Variants in POLRMT observed in about 807,000 individuals in gnomAD.
POLRMT encodes the protein DNA-directed RNA polymerase, mitochondrial.
POLRMT carries 114 observed loss-of-function variants against 132.2 expected under a neutral mutation model. The observed-to-expected ratio is 0.86, with a 90% CI of 0.74 to 1.01. The LOEUF (loss-of-function observed/expected upper bound fraction) is 1.01. POLRMT is among the 50% of genes least tolerant of loss of function. The pLI is 0.00. For synonymous variants in POLRMT, 1,020 were observed against 773.4 expected (o/e 1.32, Z -5.29); for missense variants, 2,003 against 1,729.1 (o/e 1.16, Z -2.81).
chr19:633,219 T>C (rs1985557934), intron 1 of POLRMT: 1 of 643,030 alleles, frequency 1.6e-6, no homozygotes, highest in Non-Finnish European at 2.4e-6. Context: ...GGAGGCTGCA[T>C]AAGAAACCAC....
At position 622,592 on chromosome 19, in the gene POLRMT, G is replaced by A. The variant is rs143834673; in HGVS notation, c.1616C>T (p.Ser539Phe). ...GGGTGCGAGCCTCACCTCGGCGTCG[G>A]AGGCCAGCAAGCAGAGGTACTTCCT... ...HYRKYLCLLA[S>F]DAEVPEPCLP... Residue 539 changes from serine (S) to phenylalanine (F), a missense_variant, in exon 8 of 21, where the codon TCC (serine) becomes TTC (phenylalanine). By Grantham distance (155) the Ser-to-Phe change is radical. Transcript: ENST00000588649. 306 of 1,601,428 alleles carry A rather than the reference G, an allele frequency of 1.9e-4. No homozygotes were observed. Among genetic ancestry groups the A allele is most frequent in the Non-Finnish European group, 2.2e-4 (255 of 1,174,118 alleles).
chr19:624,596 T>C, intron 5 of POLRMT, 123 bp downstream of exon 5: 1 of 1,131,824 alleles, frequency 8.8e-7, no homozygotes, highest in South Asian at 1.6e-5. Flanking sequence ...AAGGGAGGAA[T>C]TCAGGGCCCA....
At position 618,583 on chromosome 19, in the gene POLRMT, C is replaced by T. The variant is rs146040672; in HGVS notation, c.3327G>A (p.Lys1109=). 6,009 of 1,612,098 alleles carry T rather than the reference C, an allele frequency of 3.7e-3. 22 individuals carry two copies. The highest frequency in any genetic ancestry group is 4.6e-3 in the Non-Finnish European group (5,442 of 1,178,570). ...TYTHNGDISR[K]PNTRKQKNGF... Reference sequence around the variant, plus strand: ...CGTTCTTCTGCTTACGTGTGTTGGGCTTTCTGAGGACGGAACAGGTGCCGG... The same window carrying T: ...CGTTCTTCTGCTTACGTGTGTTGGGTTTTCTGAGGACGGAACAGGTGCCGG... Residue 1109 remains lysine, a synonymous_variant, in exon 17 of 21, where the codon AAG becomes AAA. Coordinates refer to ENST00000588649, the MANE Select transcript of POLRMT (RefSeq NM_005035.4).
chr19:633,529 G>GGCGCCGCCGCCGCA lies in POLRMT; in HGVS notation c.-18_-17insTGCGGCGGCGGCGC. On this transcript the variant is annotated 5_prime_UTR_variant, in exon 1 of 21. Coordinates refer to ENST00000588649, the MANE Select transcript of POLRMT (RefSeq NM_005035.4). ...TGCCGACATTACGCACGCCGCTCCA[G>GGCGCCGCCGCCGCA]GCCACCCCACCGGCCCGCGCCTGCG... is the stretch of plus-strand genomic sequence containing the variant. 1 of 1,463,692 alleles carries GGCGCCGCCGCCGCA rather than the reference G, an allele frequency of 6.8e-7. No individual in the cohort carries two copies. The allele number at this position is 1,463,692 out of a possible 1,614,324, so 90.7% of individuals were successfully genotyped here.
At chr19:619,473 G>A (rs1360708045) in intron 13 of POLRMT, 113 bp downstream of exon 13, 6 of 1,447,268 alleles carry the variant, frequency 4.1e-6, no homozygotes, top group Non-Finnish European at 5.7e-6. Context: ...GGCAGCCAGT[G>A]GTCTGGGGGA....
At chr19:627,742 T>A (rs976432678) in intron 3 of POLRMT, among the ~76,000 whole-genome samples, 1 of 149,640 alleles carries the variant, frequency 6.7e-6, no homozygotes, top group Non-Finnish European at 1.5e-5. Context: ...CCGGCCAACA[T>A]GGCAAAAGCC....
At chr19:624,944 C>A in intron 4 of POLRMT, 39 bp from the exon 5 acceptor site, 2 of 1,574,304 alleles carry the variant, frequency 1.3e-6, no homozygotes, top group East Asian at 2.3e-5. Context: ...CGGGCCAGCC[C>A]CACGCTGGGC....
chr19:620,915 A>G (rs1388480089), intron 10 of POLRMT, 143 bp downstream of exon 10: 2 of 72,756 alleles, frequency 2.7e-5, no homozygotes, highest in South Asian at 2.7e-4. Flanking sequence ...GGGAGGAGGA[A>G]GACGGGCAGG....
chr19:620,201 A>T, intron 11 of POLRMT, 121 bp from the exon 12 acceptor site: 2 of 1,474,300 alleles, frequency 1.4e-6, no homozygotes, highest in Non-Finnish European at 1.8e-6. Flanking sequence ...AGTGCACCGG[A>T]GCCCCCGCAC....
Position 632,902 on chromosome 19 carries a change from G to C in POLRMT, c.125C>G (p.Ser42Trp). 6.5e-7 allele frequency: 1 copy of C among 1,538,942 alleles called. No homozygotes were observed. Among genetic ancestry groups the C allele is most frequent in the Non-Finnish European group, 8.7e-7 (1 of 1,147,254 alleles). The change falls in exon 2 of 21, where the codon TCG becomes TGG. Residue 42 changes from serine (S) to tryptophan (W), a missense_variant. By Grantham distance (177) the Ser-to-Trp change is radical. Transcript: ENST00000588649. The stretch of plus-strand genomic sequence containing the variant: ...GTCTTGCTCCTGGGGGCTGGCGGAC[G>C]AGCTCCTCCTGGGGCCGCAGACGCC... ...AGGVCGPRRS[S>W]SASPQEQDQD...
chr19:623,055 C>T (rs980399450), intron 6 of POLRMT, 70 bp from the exon 7 acceptor site: 2 of 1,540,230 alleles, frequency 1.3e-6, no homozygotes, highest in Non-Finnish European at 1.8e-6. Flanking sequence ...GGACGGGGGT[C>T]ACCGCAGCTC....
Position 629,800 on chromosome 19 carries a change from C to T in POLRMT, c.562G>A (p.Glu188Lys). ...CTRQAPESPW[E>K]EQLARLLQEA... ...TGCAGCAGCCGGGCCAGCTGCTCCTCCCAGGGGCTCTCGGGGGCCTGGCGC... is the reference window on the plus strand; with the variant it reads ...TGCAGCAGCCGGGCCAGCTGCTCCTTCCAGGGGCTCTCGGGGGCCTGGCGC... The change falls in exon 3 of 21, where the codon GAG becomes AAG. Residue 188 changes from glutamate (E) to lysine (K), a missense_variant. By Grantham distance (56) the Glu-to-Lys change is moderately conservative. Transcript: ENST00000588649. 1.9e-6 allele frequency: 3 copies of T among 1,583,898 alleles called. No homozygotes were observed. The highest frequency in any genetic ancestry group is 1.7e-6 in the Non-Finnish European group (2 of 1,166,082).
chr19:629,036 G>T (rs952101726), intron 3 of POLRMT, among the ~76,000 whole-genome samples: 1 of 152,088 alleles, frequency 6.6e-6, no homozygotes, highest in African/African-American at 2.4e-5. Context: ...AAAGAAAACG[G>T]CAAGGGAAAT....
intron 3 of POLRMT, among the ~76,000 whole-genome samples, chr19:627,495 A>C (rs1456494886): frequency 6.6e-6 from 1 of 151,984 alleles, no homozygotes; most frequent in Non-Finnish European, 1.5e-5. Flanking sequence ...GGTAGACCTC[A>C]CTGGCCACAC....
At position 619,602 on chromosome 19, in the gene POLRMT, A is replaced by C; in HGVS notation, c.3050T>G (p.Leu1017Arg). 6.2e-7 allele frequency: 1 copy of C among 1,611,206 alleles called. No individual in the cohort carries two copies. The highest frequency in any genetic ancestry group is 8.5e-7 in the Non-Finnish European group (1 of 1,179,646). ...CTGGCGCACCTGGGGAAAGTCGCTC[A>C]GCTCCCGGAGGCGCTTCTCAATCTG... ...RLQIEKRLRE[L>R]SDFPQEFVWE... is the part of the protein sequence containing the mutation. Residue 1017 changes from leucine to arginine, a missense_variant, in exon 13 of 21, where the codon CTG (leucine) becomes CGG (arginine). Transcript: ENST00000588649.
rs762482135 is a variant in POLRMT, at chr19:621,388, C to G, written c.2310G>C (p.Arg770=). 7.8e-6 allele frequency: 12 copies of G among 1,540,344 alleles called. No homozygotes were observed. The highest frequency in any genetic ancestry group is 2.3e-4 in the Middle Eastern group (1 of 4,326). The change falls in exon 10 of 21, where the codon CGG becomes CGC. Residue 770 remains arginine (R), a synonymous_variant. Transcript: ENST00000588649. ...RELAHCQKVA[R]EMHSLRAEAL... ...CCTCCGCCCGCAGGCTGTGCATCTCCCGGGCCACCTTCTGGCAGTGCGCCA... is the reference window on the plus strand; with the variant it reads ...CCTCCGCCCGCAGGCTGTGCATCTCGCGGGCCACCTTCTGGCAGTGCGCCA...
At position 622,809 on chromosome 19, in the gene POLRMT, A is replaced by G; in HGVS notation, c.1455+12T>C. ...CCCGCCCGGGGACCCGGCCGCGCGG[A>G]GGAAGACGCACCTGCAGGAGCATCC... On this transcript the variant is annotated intron_variant, in intron 7 of 20. Coordinates refer to ENST00000588649, the MANE Select transcript of POLRMT (RefSeq NM_005035.4). The G allele has an allele frequency of 1.3e-6, 2 of 1,579,850 alleles. No homozygotes were observed. Among genetic ancestry groups the G allele is most frequent in the Non-Finnish European group, 1.7e-6 (2 of 1,162,966 alleles).
rs1985305490 is a variant in POLRMT, at chr19:630,097, C to A, written c.265G>T (p.Ala89Ser). The A allele has an allele frequency of 6.2e-7, 1 of 1,613,486 alleles. No homozygotes were observed. The highest frequency in any genetic ancestry group is 1.3e-5 in the African/African-American group (1 of 74,918). Residue 89 changes from alanine (A) to serine (S), a missense_variant, in exon 3 of 21, where the codon GCG becomes TCG. Ala to Ser is a moderately conservative substitution (Grantham distance 99). Transcript: ENST00000588649. The part of the protein sequence containing the change: ...SEVVVNRVDV[A>S]RLPECGSGDG... ...CCACTGCCACATTCTGGGAGCCGCG[C>A]CACATCCACCCTGTTCACCACCACC...
chr19:633,325 G>C, intron 1 of POLRMT, 100 bp downstream of exon 1: 1 of 1,329,918 alleles, frequency 7.5e-7, no homozygotes, highest in Non-Finnish European at 9.8e-7. Flanking sequence ...GCACGCCCAG[G>C]TGCAAAGAGG....
Sources: gnomAD v4.1 joint callset for allele counts (sites outside exome capture counted in the v4.1 genomes callset) on GRCh38, gnomAD v4.1.1 for gene constraint, MANE v1.5 for transcripts, NCBI Gene and HGNC (gene_info 2026-07-23, HGNC 2026-07-21) for gene names.